The following TPRG1 variants were observed in gnomAD, a reference collection of about 807,000 sequenced individuals.
TPRG1 encodes the protein tumor protein p63 regulated 1.
A neutral mutation model predicts 29.3 loss-of-function variants in TPRG1; 29 were observed. The observed-to-expected ratio is 0.99, with a 90% CI of 0.74 to 1.35. The LOEUF is 1.35. Ranked by LOEUF, TPRG1 falls within the 40% of genes most tolerant of loss-of-function variation. The pLI is 0.00. For synonymous variants in TPRG1, 130 were observed against 116.8 expected (o/e 1.11, Z -0.73); for missense variants, 327 against 335.0 (o/e 0.98, Z 0.19).
At position 189,304,587 on chromosome 3, in the gene TPRG1, G is replaced by C. The variant is rs548227330; in HGVS notation, c.480-5799G>C. On this transcript the variant is annotated intron_variant, in intron 4 of 5. Transcript: ENST00000345063. ...GTTTGGAACAGCCTGGGGACATGGA[G>C]AGAATGTAAACACATTCTGCAAATC... Among the ~76,000 whole-genome samples the C allele has an allele frequency of 2.6e-5, 4 of 152,278 alleles. No homozygotes were observed. In the East Asian group the frequency reaches 7.7e-4, roughly 29 times the overall value.
chr3:189,297,433 G>A (rs932111660), intron 4 of TPRG1, among the ~76,000 whole-genome samples: 1 of 152,074 alleles, frequency 6.6e-6, no homozygotes, highest in South Asian at 2.1e-4. Flanking sequence ...CCCGCGGCCT[G>A]AGGAGCCCTC....
intron 4 of TPRG1, among the ~76,000 whole-genome samples, chr3:189,024,343 A>T (rs1713542087): frequency 6.6e-6 from 1 of 152,192 alleles, no homozygotes; most frequent in Non-Finnish European, 1.5e-5. Flanking sequence ...GGACTCTCCA[A>T]AGCCTCTAGG....
chr3:189,190,442 C>G (rs113807692), intron 1 of TPRG1, among the ~76,000 whole-genome samples: 2 of 152,118 alleles, frequency 1.3e-5, no homozygotes, highest in Non-Finnish European at 2.9e-5. Flanking sequence ...TGTCACCCCC[C>G]ACATCTTGCC....
At chr3:189,319,487 C>A (rs1321158707) in intron 5 of TPRG1, among the ~76,000 whole-genome samples, 2 of 151,880 alleles carry the variant, frequency 1.3e-5, no homozygotes, top group African/African-American at 2.4e-5. Context: ...TTCTTCATCC[C>A]TAAATTCAAT....
At chr3:189,050,367 C>G (rs754808725) in intron 4 of TPRG1, among the ~76,000 whole-genome samples, 1 of 152,122 alleles carries the variant, frequency 6.6e-6, no homozygotes, top group African/African-American at 2.4e-5. Flanking sequence ...GAAAATACAA[C>G]CTTCCTAGCT....
intron 3 of TPRG1, among the ~76,000 whole-genome samples, chr3:189,005,304 T>C (rs902539762): frequency 5.3e-5 from 8 of 152,088 alleles, no homozygotes; most frequent in African/African-American, 1.9e-4. Context: ...TGATACAAAG[T>C]GGGGACTCAG....
At chr3:189,303,459 G>A (rs1721148593) in intron 4 of TPRG1, among the ~76,000 whole-genome samples, 2 of 152,132 alleles carry the variant, frequency 1.3e-5, no homozygotes, top group Admixed American at 1.3e-4. Flanking sequence ...ATTTTATAAG[G>A]AGGGAATTGG....
chr3:189,238,772 G>A lies in TPRG1; in HGVS notation c.342G>A (p.Leu114=). The change falls in exon 4 of 6, where the codon CTG becomes CTA. Residue 114 remains leucine, a synonymous_variant. Coordinates refer to ENST00000345063, the MANE Select transcript of TPRG1 (RefSeq NM_198485.4). ...ACAATGAGAAGGAGAGAATTCTACT[G>A]GTCACAGACAAGACTCTCTTGATCT... ...HWNNEKERIL[L]VTDKTLLICK... 1 of 1,613,482 alleles carries A rather than the reference G, an allele frequency of 6.2e-7. No individual in the cohort carries two copies. Among genetic ancestry groups the A allele is most frequent in the Non-Finnish European group, 8.5e-7 (1 of 1,179,564 alleles).
At chr3:189,312,153 C>T (rs5017280) in intron 5 of TPRG1, among the ~76,000 whole-genome samples, 1 of 57,554 alleles carries the variant, frequency 1.7e-5, no homozygotes, top group African/African-American at 6.9e-5. Flanking sequence ...TTCTTTCTTT[C>T]TTTCTTTCTT....
At chr3:189,203,491 A>G (rs1042443608) in intron 1 of TPRG1, among the ~76,000 whole-genome samples, 1 of 152,146 alleles carries the variant, frequency 6.6e-6, no homozygotes, top group Non-Finnish European at 1.5e-5. Context: ...CCAAGATAAA[A>G]TATTTTTGGT....
intron 5 of TPRG1, among the ~76,000 whole-genome samples, chr3:189,314,197 G>T (rs9822190): frequency 0.38 from 57,765 of 151,922 alleles, 11,758 homozygotes; most frequent in Middle Eastern, 0.49. Flanking sequence ...TGTTGAATTC[G>T]AAACATGTTG....
At chr3:189,282,013 T>G (rs1040491834) in intron 4 of TPRG1, among the ~76,000 whole-genome samples, 1 of 152,046 alleles carries the variant, frequency 6.6e-6, no homozygotes, top group Non-Finnish European at 1.5e-5. Flanking sequence ...CCTGAGTAGC[T>G]GGGACTATAG....
chr3:189,210,729 C>T (rs1220933414), intron 2 of TPRG1, among the ~76,000 whole-genome samples: 3 of 152,188 alleles, frequency 2.0e-5, no homozygotes, highest in Non-Finnish European at 2.9e-5. Context: ...AAGGGGGAGT[C>T]GCTTGCTCAA....
At chr3:189,099,683 G>C (rs1019698634), upstream of TPRG1, among the ~76,000 whole-genome samples, 1 of 152,088 alleles carries the variant, frequency 6.6e-6, no homozygotes, top group Non-Finnish European at 1.5e-5. Context: ...CCCGCCGGTA[G>C]CTCAATTGCT....
chr3:189,319,234 A>G (rs1158295591), intron 5 of TPRG1, among the ~76,000 whole-genome samples: 2 of 152,178 alleles, frequency 1.3e-5, no homozygotes, highest in Non-Finnish European at 2.9e-5. Context: ...ATTTATAGAC[A>G]TGGACTTTTT....
At chr3:189,257,170 TC>T (rs1345199357) in intron 4 of TPRG1, among the ~76,000 whole-genome samples, 3 of 152,224 alleles carry the variant, frequency 2.0e-5, no homozygotes, top group African/African-American at 7.2e-5. Flanking sequence ...ATTTAGTGCT[TC>T]CTTCAGGAGC....
intron 1 of TPRG1, among the ~76,000 whole-genome samples, chr3:189,106,477 T>C (rs1202497304): frequency 4.6e-5 from 7 of 152,174 alleles, no homozygotes; most frequent in African/African-American, 1.7e-4. Flanking sequence ...ATGGCAAATA[T>C]ACAAATTTTA....
chr3:189,097,800 A>C (rs1465176166), upstream of TPRG1, among the ~76,000 whole-genome samples: 2 of 152,220 alleles, frequency 1.3e-5, no homozygotes, highest in African/African-American at 4.8e-5. Context: ...GCTTCATATT[A>C]TTTTGAAAAT....
intron 3 of TPRG1, among the ~76,000 whole-genome samples, chr3:189,133,165 G>A (rs181714713): frequency 1.4e-4 from 21 of 152,254 alleles, no homozygotes; most frequent in African/African-American, 5.1e-4. Context: ...ATACAAATAA[G>A]GAAGTAGAAG....
Sources: gnomAD v4.1 joint callset for allele counts (sites outside exome capture counted in the v4.1 genomes callset) on GRCh38, gnomAD v4.1.1 for gene constraint, MANE v1.5 for transcripts, NCBI Gene and HGNC (gene_info 2026-07-23, HGNC 2026-07-21) for gene names.